The following HDAC7 variants were observed in gnomAD, a reference collection of about 807,000 sequenced individuals.
HDAC7 encodes the protein histone deacetylase 7, also known as histone deacetylase 7A.
In HDAC7, 26 loss-of-function variants were observed where a neutral mutation model predicts 115.5. The ratio of observed to expected loss-of-function variants is 0.23; its 90% confidence interval spans 0.16 to 0.31. The LOEUF (loss-of-function observed/expected upper bound fraction) is 0.31. Among genes scored for constraint, HDAC7 ranks in the 10% least tolerant of loss-of-function variants. HDAC7 has a pLI of 1.00. For synonymous variants in HDAC7, 564 were observed against 550.9 expected, an observed-to-expected ratio of 1.02 and a Z score of -0.33; for missense variants, 1,068 against 1,329.0, an observed-to-expected ratio of 0.80 and a Z score of 3.05.
chr12:47,788,227 A>C, intron 19 of HDAC7, 63 bp from the exon 20 acceptor site: 1 of 1,519,932 alleles, frequency 6.6e-7, no homozygotes, highest in Non-Finnish European at 8.8e-7. Flanking sequence ...ACAGGTTAGA[A>C]GGGTTTCAAG....
intron 1 of HDAC7, among the ~76,000 whole-genome samples, chr12:47,811,530 GAC>G (rs1373339642): frequency 6.6e-6 from 1 of 152,180 alleles, no homozygotes; most frequent in Non-Finnish European, 1.5e-5. Flanking sequence ...AACACATAAA[GAC>G]ACATACGGAA....
intron 24 of HDAC7, chr12:47,784,486 GGCC>G (rs1943048663): frequency 1.7e-6 from 1 of 601,672 alleles, no homozygotes; most frequent in Non-Finnish European, 2.9e-6. Flanking sequence ...GTGGCTGCAA[GGCC>G]ACCTTTGACT....
intron 1 of HDAC7, among the ~76,000 whole-genome samples, chr12:47,806,478 C>G (rs1944408284): frequency 6.6e-6 from 1 of 152,214 alleles, no homozygotes; most frequent in African/African-American, 2.4e-5. Flanking sequence ...TACTTGAGGT[C>G]AGGAGTTCGA....
In HDAC7 at chr12:47,812,172, C is replaced by T. The variant is rs564412540; in HGVS notation, c.19+7595G>A. Among the ~76,000 whole-genome samples the T allele has an allele frequency of 8.1e-4, 124 of 152,350 alleles. 1 individual carries two copies. Among genetic ancestry groups the T allele is most frequent in the Non-Finnish European group, 1.5e-3 (100 of 68,038 alleles). On this transcript the variant is annotated intron_variant, in intron 1 of 25. Coordinates refer to ENST00000080059, the MANE Select transcript of HDAC7 (RefSeq NM_015401.5). Reference sequence around the variant, plus strand: ...CAGCTGGCTTCAAGGCCCTGGGGTCCCTCCTCGCCCTGCCTCACTGGGAGA... The same window carrying T: ...CAGCTGGCTTCAAGGCCCTGGGGTCTCTCCTCGCCCTGCCTCACTGGGAGA...
chr12:47,783,714 G>T lies in HDAC7; in HGVS notation c.*127C>A. 1.1e-6 allele frequency: 1 copy of T among 908,166 alleles called. No individual in the cohort carries two copies. The highest frequency in any genetic ancestry group is 1.8e-6 in the Non-Finnish European group (1 of 562,446). 56.3% of individuals were successfully genotyped at this position (908,166 alleles called of 1,614,324 possible). On this transcript the variant is annotated 3_prime_UTR_variant, in exon 26 of 26. Coordinates refer to ENST00000080059, the MANE Select transcript of HDAC7 (RefSeq NM_015401.5). ...CCTGGGATAACTGTCAAAGCAGGCA[G>T]GCTGTTCTCTGGTTCCAACTACTTG...
rs369089114 is a variant in HDAC7, at chr12:47,789,924, C to T, written c.1984-4G>A. The T allele has an allele frequency of 3.8e-4, 612 of 1,606,362 alleles. No homozygotes were observed. Among genetic ancestry groups the T allele is most frequent in the Non-Finnish European group, 4.9e-4 (573 of 1,173,898 alleles). On this transcript the variant is annotated splice_polypyrimidine_tract_variant and splice_region_variant and intron_variant, in intron 16 of 25. Transcript: ENST00000080059. Reference sequence around the variant, plus strand: ...TCCAGATGGTGTCAGTGTCCACCTGCGGGAGCCAGAGTCAGGGCCCGCATC... The same window carrying T: ...TCCAGATGGTGTCAGTGTCCACCTGTGGGAGCCAGAGTCAGGGCCCGCATC...
chr12:47,797,007 C>A lies in HDAC7; in HGVS notation c.703+10G>T. 6.5e-7 allele frequency: 1 copy of A among 1,535,420 alleles called. No homozygotes were observed. The highest frequency in any genetic ancestry group is 2.3e-5 in the East Asian group (1 of 44,008). ...AGGATGGCAACCGCACTGGCTCAGC[C>A]GGCCCTCACCTCCGAGGGTCTCTGC... On this transcript the variant is annotated intron_variant, in intron 7 of 25. Coordinates refer to ENST00000080059, the MANE Select transcript of HDAC7 (RefSeq NM_015401.5). This position sits in a 1 kb window ranked among gnomAD's most constrained non-coding sequence, Gnocchi z 5.5.
At chr12:47,810,019 T>G (rs1944581569) in intron 1 of HDAC7, among the ~76,000 whole-genome samples, 1 of 152,088 alleles carries the variant, frequency 6.6e-6, no homozygotes, top group African/African-American at 2.4e-5. Context: ...CAATCTCAGC[T>G]GACTGCAACC....
intron 23 of HDAC7, 101 bp downstream of exon 23, chr12:47,785,651 C>T (rs1468115809): frequency 3.4e-6 from 5 of 1,463,658 alleles, no homozygotes; most frequent in East Asian, 2.5e-5. Context: ...GGCTTGGCCA[C>T]TCCCACCCTG....
In HDAC7 at chr12:47,797,295, AG is replaced by A; in HGVS notation, c.577+88del. ...TACCGATGATCTCCTGGCCCAGCCCAGCCCGCCCACCCCTGCACACTCCTCC... is the reference window on the plus strand; with the variant it reads ...TACCGATGATCTCCTGGCCCAGCCCACCCGCCCACCCCTGCACACTCCTCC... On this transcript the variant is annotated intron_variant, in intron 6 of 25. Coordinates refer to ENST00000080059, the MANE Select transcript of HDAC7 (RefSeq NM_015401.5). The surrounding 1 kb of genome is among the most constrained non-coding windows in gnomAD (Gnocchi z 5.5). The A allele has an allele frequency of 1.4e-6, 1 of 696,644 alleles. No individual in the cohort carries two copies. Among genetic ancestry groups the A allele is most frequent in the Non-Finnish European group, 2.3e-6 (1 of 433,764 alleles). The allele number at this position is 696,644 out of a possible 1,614,324, so 43.2% of individuals were successfully genotyped here.
chr12:47,794,805 C>T lies in HDAC7; in HGVS notation c.1413G>A (p.Gly471=), dbSNP rs754848510. The T allele has an allele frequency of 2.5e-6, 4 of 1,612,110 alleles. No homozygotes were observed. The highest frequency in any genetic ancestry group is 2.2e-5 in the South Asian group (2 of 90,958). The change falls in exon 12 of 26, where the codon GGG becomes GGA. Residue 471 remains glycine (G), a synonymous_variant. Transcript: ENST00000080059. ...DGLEHRELGH[G]QPEARGPAPL... ...GAGCGGGGCCTCTGGCCTCAGGCTG[C>T]CCATGGCCCAGCTCCCTGTGCTCCA...
chr12:47,789,198 A>G (rs1206554542), intron 19 of HDAC7, 63 bp downstream of exon 19: 1 of 1,263,418 alleles, frequency 7.9e-7, no homozygotes, highest in African/African-American at 1.5e-5. Context: ...CATCTCTAAC[A>G]TCAGGCTCAG....
chr12:47,805,237 AT>A (rs1467439276), intron 1 of HDAC7, among the ~76,000 whole-genome samples: 4 of 150,534 alleles, frequency 2.7e-5, no homozygotes, highest in African/African-American at 4.9e-5. Context: ...GCCTGGCTAA[AT>A]TTTTTTTGTT....
In HDAC7 at chr12:47,786,684, C is replaced by A; in HGVS notation, c.2473G>T (p.Ala825Ser). 6.2e-7 allele frequency: 1 copy of A among 1,613,766 alleles called. No homozygotes were observed. Among genetic ancestry groups the A allele is most frequent in the Non-Finnish European group, 8.5e-7 (1 of 1,179,714 alleles). ...AAFRIVVMPIAREFSPDLVLV... is the reference protein window; with the variant it reads ...AAFRIVVMPISREFSPDLVLV... ...ACTAGGTCTGGAGAGAACTCTCGGG[C>A]GATGGGCATCACGACTATCCTGTGA... is the stretch of plus-strand genomic sequence containing the variant. The change falls in exon 22 of 26, where the codon GCC becomes TCC. Residue 825 changes from alanine to serine, a missense_variant. Physicochemically the swap from Ala to Ser is moderately conservative, Grantham distance 99. Around this residue, in one of 6 missense-constraint regions of HDAC7, gnomAD observed 182 missense variants for 301.1 expected, o/e 0.60. Transcript: ENST00000080059.
intron 1 of HDAC7, among the ~76,000 whole-genome samples, chr12:47,807,809 G>A (rs1392541324): frequency 7.2e-5 from 11 of 152,236 alleles, no homozygotes; most frequent in Admixed American, 5.2e-4. Flanking sequence ...ATTTGGGACT[G>A]TGTGCTGGAA....
At position 47,796,998 on chromosome 12, in the gene HDAC7, T is replaced by G. The variant is rs777555348; in HGVS notation, c.703+19A>C. 2 of 1,525,556 alleles carry G rather than the reference T, an allele frequency of 1.3e-6. No homozygotes were observed. Among genetic ancestry groups the G allele is most frequent in the Non-Finnish European group, 1.8e-6 (2 of 1,140,934 alleles). 94.5% of individuals were successfully genotyped at this position (1,525,556 alleles called of 1,614,324 possible). A position where few individuals can be genotyped will look rare whatever the true frequency, so the allele number is the denominator to read the frequency against. On this transcript the variant is annotated intron_variant, in intron 7 of 25. Transcript: ENST00000080059. ...CCAGGTTTGAGGATGGCAACCGCAC[T>G]GGCTCAGCCGGCCCTCACCTCCGAG...
At chr12:47,805,073 A>AT (rs561801413) in intron 1 of HDAC7, among the ~76,000 whole-genome samples, 28,696 of 142,898 alleles carry the variant, frequency 0.2, 3,066 homozygotes, top group Non-Finnish European at 0.25. Context: ...TCTTTTCTTA[A>AT]TTTTTTTTTT....
At chr12:47,812,607 C>A (rs1373532234) in intron 1 of HDAC7, among the ~76,000 whole-genome samples, 1 of 152,162 alleles carries the variant, frequency 6.6e-6, no homozygotes, top group Non-Finnish European at 1.5e-5. Flanking sequence ...CGAGACTCAG[C>A]CAAGGCCATC....
rs1310677799 is a variant in HDAC7 at position 47,783,775 on chromosome 12, A to G, written c.*66T>C. ...CTCTAAAGACCCAGGAATGGGGGCT[A>G]TTGCCAGGGGTTAGAAGAGAACCAG... On this transcript the variant is annotated 3_prime_UTR_variant, in exon 26 of 26. Transcript: ENST00000080059. 1.3e-5 allele frequency: 19 copies of G among 1,517,856 alleles called. No individual in the cohort carries two copies. The highest frequency in any genetic ancestry group is 1.9e-5 in the Admixed American group (1 of 53,750). 94.0% of individuals were successfully genotyped at this position (1,517,856 alleles called of 1,614,324 possible).
Sources: gnomAD v4.1 joint callset for allele counts (sites outside exome capture counted in the v4.1 genomes callset) on GRCh38, gnomAD v4.1.1 for gene constraint, gnomAD v4.1.1 regional missense constraint, Gnocchi (gnomAD v3.1) non-coding constraint, MANE v1.5 for transcripts, NCBI Gene and HGNC (gene_info 2026-07-23, HGNC 2026-07-21) for gene names.